CLYBL: variants seen among roughly 807,000 people sequenced by gnomAD.
CLYBL encodes citramalyl-CoA lyase, mitochondrial.
Under a neutral mutation model 38.9 loss-of-function variants are expected in CLYBL, and 31 were observed. The observed-to-expected ratio is 0.80, with a 90% CI of 0.60 to 1.08. The LOEUF (loss-of-function observed/expected upper bound fraction) is 1.08. Among genes scored for constraint, CLYBL ranks in the 50% least tolerant of loss-of-function variants. The pLI, the probability that CLYBL is intolerant of heterozygous loss-of-function variation, is 0.00. For missense variants in CLYBL, 434 were observed against 411.6 expected, an observed-to-expected ratio of 1.05 and a Z score of -0.47; for synonymous variants, 171 against 158.6, an observed-to-expected ratio of 1.08 and a Z score of -0.59.
chr13:99,724,679 G>A (rs1251109704), intron 1 of CLYBL, among the ~76,000 whole-genome samples: 1 of 152,076 alleles, frequency 6.6e-6, no homozygotes, highest in Non-Finnish European at 1.5e-5. Context: ...GTGGGGAGTT[G>A]AGCACGAGCA....
At chr13:99,732,199 G>T in intron 1 of CLYBL, among the ~76,000 whole-genome samples, 1 of 126,604 alleles carries the variant, frequency 7.9e-6, no homozygotes, top group African/African-American at 3.0e-5. Flanking sequence ...TTTGAGACAG[G>T]GTCTTACCTT....
chr13:99,644,398 A>G (rs2047146819), intron 1 of CLYBL, among the ~76,000 whole-genome samples: 1 of 152,216 alleles, frequency 6.6e-6, no homozygotes, highest in South Asian at 2.1e-4. Context: ...CATAGTGTAT[A>G]TATTTATGGG....
At chr13:99,674,454 G>T (rs1012756345) in intron 1 of CLYBL, among the ~76,000 whole-genome samples, 1 of 152,030 alleles carries the variant, frequency 6.6e-6, no homozygotes, top group Admixed American at 6.6e-5. Flanking sequence ...CCAGCTGATA[G>T]CTACTAGAAT....
intron 1 of CLYBL, among the ~76,000 whole-genome samples, chr13:99,706,734 C>T (rs368865082): frequency 3.9e-5 from 6 of 152,314 alleles, no homozygotes; most frequent in Non-Finnish European, 5.9e-5. Context: ...CTTCTTCAGC[C>T]GAGCTCCAGA....
rs191923460 is a variant in CLYBL, at chr13:99,879,511, C to T, written c.927+8449C>T. 2.1e-3 allele frequency among the ~76,000 whole-genome samples: 318 copies of T among 152,284 alleles called. 1 individual carries two copies. In the Middle Eastern group the frequency reaches 0.024, roughly 11 times the overall value. On this transcript the variant is annotated intron_variant, in intron 7 of 8. Coordinates refer to ENST00000339105, the MANE Select transcript of CLYBL (RefSeq NM_206808.5). ...CTTCAGATCATCTGCATTTGATTAG[C>T]GTCTGTCCTCTGCTGATATTCTAAG...
chr13:99,891,837 C>G (rs954166321), intron 8 of CLYBL: 7 of 156,860 alleles, frequency 4.5e-5, no homozygotes, highest in African/African-American at 7.2e-5. Flanking sequence ...TAAGAAAAGC[C>G]AGGCCTTTAA....
At chr13:99,850,110 A>C (rs951687259) in intron 2 of CLYBL, among the ~76,000 whole-genome samples, 3 of 152,260 alleles carry the variant, frequency 2.0e-5, no homozygotes, top group African/African-American at 4.8e-5. Flanking sequence ...TCAAGATGAT[A>C]GCAAAAGTGC....
chr13:99,844,857 C>T (rs1413685488), intron 2 of CLYBL, among the ~76,000 whole-genome samples: 1 of 152,228 alleles, frequency 6.6e-6, no homozygotes, highest in Non-Finnish European at 1.5e-5. Flanking sequence ...ACCAGGGCTT[C>T]ATGCATGGTT....
chr13:99,741,123 T>G (rs1420265095), intron 1 of CLYBL, among the ~76,000 whole-genome samples: 1 of 152,190 alleles, frequency 6.6e-6, no homozygotes, highest in Non-Finnish European at 1.5e-5. Context: ...TTGTTAAAGT[T>G]TACACTTCCT....
chr13:99,769,660 CAAT>C (rs1415074136), intron 1 of CLYBL, among the ~76,000 whole-genome samples: 2 of 152,158 alleles, frequency 1.3e-5, no homozygotes, highest in Non-Finnish European at 2.9e-5. Flanking sequence ...AATTAGCTGG[CAAT>C]AATATGTTTT....
In CLYBL at chr13:99,772,879, C is replaced by T. The variant is rs1317518032; in HGVS notation, c.118C>T (p.His40Tyr). ...ACTTGGATATAGTTCCTCATCCCAT[C>T]ACAAGTACATCCCCCGGAGGGCAGT... is the stretch of plus-strand genomic sequence containing the variant. ...PRLGYSSSSHHKYIPRRAVLY... is the reference protein window; with the variant it reads ...PRLGYSSSSHYKYIPRRAVLY... Residue 40 changes from histidine (H) to tyrosine (Y), a missense_variant, in exon 2 of 9, where the codon CAC becomes TAC. Transcript: ENST00000339105. 1 of 1,612,860 alleles carries T rather than the reference C, an allele frequency of 6.2e-7. No individual in the cohort carries two copies. Among genetic ancestry groups the T allele is most frequent in the African/African-American group, 1.3e-5 (1 of 74,836 alleles).
At chr13:99,606,980 C>T (rs1273932902) in intron 1 of CLYBL, among the ~76,000 whole-genome samples, 1 of 152,200 alleles carries the variant, frequency 6.6e-6, no homozygotes, top group Non-Finnish European at 1.5e-5. Flanking sequence ...AATGGGTACA[C>T]ACCTTAGGTC....
intron 2 of CLYBL, among the ~76,000 whole-genome samples, chr13:99,829,424 G>A (rs1163425195): frequency 6.6e-6 from 1 of 152,222 alleles, no homozygotes; most frequent in Non-Finnish European, 1.5e-5. Flanking sequence ...TTCTCACTGT[G>A]TCAACCAGAA....
chr13:99,695,343 A>G (rs747418762), intron 1 of CLYBL, among the ~76,000 whole-genome samples: 3 of 152,148 alleles, frequency 2.0e-5, no homozygotes, highest in Non-Finnish European at 2.9e-5. Context: ...AATATATTTA[A>G]TACAAGTTTT....
intron 1 of CLYBL, among the ~76,000 whole-genome samples, chr13:99,646,034 A>G (rs2047171762): frequency 6.6e-6 from 1 of 152,110 alleles, no homozygotes; most frequent in Non-Finnish European, 1.5e-5. Context: ...TGAACATGCT[A>G]TTAAAATAGT....
Position 99,754,416 on chromosome 13 carries a change from C to CAAAAAA in CLYBL, c.63-18390_63-18385dup, listed in dbSNP as rs1172376194. On this transcript the variant is annotated intron_variant, in intron 1 of 8. Coordinates refer to ENST00000339105, the MANE Select transcript of CLYBL (RefSeq NM_206808.5). Reference sequence around the variant, plus strand: ...TGGGCAACAGCGTGAGACCCTGTCTCAAAAAAAAAAAAAAAAAAAAAAAGA... The same window carrying CAAAAAA: ...TGGGCAACAGCGTGAGACCCTGTCTCAAAAAAAAAAAAAAAAAAAAAAAAAAAAAGA... 2.8e-4 allele frequency among the ~76,000 whole-genome samples: 20 copies of CAAAAAA among 71,872 alleles called. 3 individuals carry two copies. The highest frequency in any genetic ancestry group is 5.6e-4 in the South Asian group (1 of 1,790). 47.2% of individuals were successfully genotyped at this position (71,872 alleles called of 152,430 possible).
intron 2 of CLYBL, among the ~76,000 whole-genome samples, chr13:99,816,855 G>T (rs2050458957): frequency 6.6e-6 from 1 of 152,208 alleles, no homozygotes; most frequent in Non-Finnish European, 1.5e-5. Flanking sequence ...AGGCTCCCAA[G>T]AAGATAAATA....
At chr13:99,834,637 C>T (rs2050893959) in intron 2 of CLYBL, among the ~76,000 whole-genome samples, 2 of 152,152 alleles carry the variant, frequency 1.3e-5, no homozygotes, top group Non-Finnish European at 1.5e-5. Flanking sequence ...AGGGTGTGGG[C>T]TGCCCACAGG....
chr13:99,805,330 A>G (rs1594193609), intron 2 of CLYBL, among the ~76,000 whole-genome samples: 1 of 152,248 alleles, frequency 6.6e-6, no homozygotes, highest in Non-Finnish European at 1.5e-5. Flanking sequence ...TTTTTGAGGA[A>G]TTGCCGTACT....
Sources: allele counts gnomAD v4.1 joint callset (sites outside exome capture counted in the v4.1 genomes callset), GRCh38; gene constraint gnomAD v4.1.1; transcripts MANE v1.5; gene names NCBI Gene and HGNC (gene_info 2026-07-23, HGNC 2026-07-21).